Variants in DPYD observed in about 807,000 individuals in gnomAD.
DPYD encodes dihydropyrimidine dehydrogenase.
Under a neutral mutation model 116.2 loss-of-function variants are expected in DPYD, and 109 were observed. The observed-to-expected ratio is 0.94, with a 90% CI of 0.80 to 1.10. The LOEUF is 1.10. Ranked by LOEUF, DPYD falls within the 50% of genes least tolerant of loss-of-function variation. The pLI is 0.00. For missense variants in DPYD, 1,302 were observed against 1,254.5 expected, an observed-to-expected ratio of 1.04 and a Z score of -0.57; for synonymous variants, 440 against 432.0, an observed-to-expected ratio of 1.02 and a Z score of -0.23.
intron 15 of DPYD, among the ~76,000 whole-genome samples, chr1:97,376,203 A>G (rs919984667): frequency 6.6e-6 from 1 of 152,232 alleles, no homozygotes; most frequent in African/African-American, 2.4e-5. Context: ...CTTGAACTCA[A>G]GCATTTTGAG....
chr1:97,234,756 G>T (rs904150164), intron 19 of DPYD, 96 bp downstream of exon 19: 16 of 1,505,162 alleles, frequency 1.1e-5, no homozygotes, highest in African/African-American at 1.4e-5. Flanking sequence ...CTTTTCAAGA[G>T]GCCCAAAAAC....
At chr1:97,870,838 C>G (rs902254728) in intron 2 of DPYD, among the ~76,000 whole-genome samples, 2 of 151,928 alleles carry the variant, frequency 1.3e-5, no homozygotes, top group African/African-American at 4.8e-5. Flanking sequence ...TGATTAAAAA[C>G]GCTGCTGCCA....
intron 2 of DPYD, among the ~76,000 whole-genome samples, chr1:97,836,959 C>T (rs1244707135): frequency 6.6e-6 from 1 of 151,960 alleles, no homozygotes; most frequent in Non-Finnish European, 1.5e-5. Context: ...TCTTTAAAAG[C>T]ACATGTGTGC....
intron 20 of DPYD, among the ~76,000 whole-genome samples, chr1:97,124,376 T>G (rs1652673882): frequency 6.6e-6 from 1 of 152,132 alleles, no homozygotes; most frequent in Non-Finnish European, 1.5e-5. Context: ...CTAACTGAGC[T>G]GCAATGCTTC....
chr1:97,832,529 A>T (rs998363767), intron 2 of DPYD, among the ~76,000 whole-genome samples: 6 of 152,176 alleles, frequency 3.9e-5, no homozygotes, highest in African/African-American at 1.4e-4. Flanking sequence ...ATGGAATCCA[A>T]TATACACATT....
intron 3 of DPYD, among the ~76,000 whole-genome samples, chr1:97,785,626 G>T (rs1008928193): frequency 7.0e-6 from 1 of 142,112 alleles, no homozygotes; most frequent in Non-Finnish European, 1.5e-5. Context: ...TTTATTAATA[G>T]ATCTTTATGC....
intron 5 of DPYD, among the ~76,000 whole-genome samples, chr1:97,701,566 T>C (rs558485712): frequency 9.2e-5 from 14 of 151,928 alleles, no homozygotes; most frequent in Middle Eastern, 3.4e-3. Flanking sequence ...TCAATAGATA[T>C]AAATGTAAGT....
chr1:97,506,948 T>G (rs1424521645), intron 13 of DPYD, among the ~76,000 whole-genome samples: 1 of 152,022 alleles, frequency 6.6e-6, no homozygotes, highest in African/African-American at 2.4e-5. Context: ...TAGACAGTGG[T>G]GTATTCATTA....
intron 5 of DPYD, among the ~76,000 whole-genome samples, chr1:97,704,887 C>T (rs1389442297): frequency 3.3e-5 from 5 of 151,872 alleles, no homozygotes; most frequent in Admixed American, 2.0e-4. Flanking sequence ...AAGAGAGTGA[C>T]TGAAGTATTT....
intron 12 of DPYD, among the ~76,000 whole-genome samples, chr1:97,548,947 T>C (rs1483305440): frequency 6.6e-6 from 1 of 152,128 alleles, no homozygotes; most frequent in Non-Finnish European, 1.5e-5. Context: ...TAATATTGTA[T>C]ACCATCAGAT....
intron 8 of DPYD, among the ~76,000 whole-genome samples, chr1:97,596,926 C>G (rs554557986): frequency 1.1e-4 from 17 of 152,290 alleles, no homozygotes; most frequent in Non-Finnish European, 2.4e-4. Context: ...ACCTCACCTG[C>G]CTTTGCCTCA....
chr1:97,476,824 G>C (rs1173925200), intron 13 of DPYD, among the ~76,000 whole-genome samples: 13 of 151,994 alleles, frequency 8.6e-5, no homozygotes. Context: ...AGTGAATATT[G>C]CAATAAAGTG....
At chr1:97,330,257 G>T (rs1211325742) in intron 16 of DPYD, among the ~76,000 whole-genome samples, 1 of 152,062 alleles carries the variant, frequency 6.6e-6, no homozygotes, top group Non-Finnish European at 1.5e-5. Flanking sequence ...TTGAAAAGAT[G>T]ATAAGTTCAT....
At chr1:97,213,996 T>A (rs1660213374) in intron 19 of DPYD, among the ~76,000 whole-genome samples, 1 of 152,154 alleles carries the variant, frequency 6.6e-6, no homozygotes, top group South Asian at 2.1e-4. Context: ...TAGAAGATGT[T>A]TTGCATGCAT....
At chr1:97,692,133 C>T (rs1661041064) in intron 6 of DPYD, among the ~76,000 whole-genome samples, 1 of 151,778 alleles carries the variant, frequency 6.6e-6, no homozygotes, top group South Asian at 2.1e-4. Flanking sequence ...TCTATAAATT[C>T]CTAAGATAAA....
At chr1:97,751,460 G>GTGTGTGTATA (rs763260651) in intron 3 of DPYD, among the ~76,000 whole-genome samples, 332 of 21,228 alleles carry the variant, frequency 0.016, 9 homozygotes, top group Admixed American at 0.021. Context: ...GTGTGTGTGT[G>GTGTGTGTATA]TATATATATA....
chr1:97,866,748 GC>G (rs1290492360), intron 2 of DPYD, among the ~76,000 whole-genome samples: 3 of 151,948 alleles, frequency 2.0e-5, no homozygotes, highest in Non-Finnish European at 4.4e-5. Flanking sequence ...ATATGATGTT[GC>G]GTGTTAGGAA....
chr1:97,646,482 T>C (rs1458698764), intron 8 of DPYD, among the ~76,000 whole-genome samples: 4 of 152,076 alleles, frequency 2.6e-5, no homozygotes, highest in Middle Eastern at 3.2e-3. Flanking sequence ...CTATTTCCTA[T>C]TTTTTCTTAT....
chr1:97,630,207 TA>T (rs924726185), intron 8 of DPYD, among the ~76,000 whole-genome samples: 19 of 152,140 alleles, frequency 1.2e-4, no homozygotes, highest in African/African-American at 4.6e-4. Flanking sequence ...ACTATATAAA[TA>T]TAATACAAAT....
Sources: allele counts gnomAD v4.1 joint callset (sites outside exome capture counted in the v4.1 genomes callset), GRCh38; gene constraint gnomAD v4.1.1; transcripts MANE v1.5; gene names NCBI Gene and HGNC (gene_info 2026-07-23, HGNC 2026-07-21).